Variants in BCAS1 observed in about 807,000 individuals in gnomAD.
The protein encoded by BCAS1 is breast carcinoma-amplified sequence 1.
Under a neutral mutation model 65.4 loss-of-function variants are expected in BCAS1, and 46 were observed. That is an observed-to-expected ratio of 0.70 (90% CI 0.55 to 0.90). The LOEUF is 0.90. Among genes scored for constraint, BCAS1 ranks in the 40% least tolerant of loss-of-function variants. The pLI is 0.00. For missense variants in BCAS1, 793 were observed against 771.2 expected (o/e 1.03, Z -0.33); for synonymous variants, 298 against 293.5 (o/e 1.02, Z -0.16).
intron 4 of BCAS1, among the ~76,000 whole-genome samples, chr20:54,018,401 C>CT (rs35997009): frequency 0.17 from 23,180 of 136,292 alleles, 2,082 homozygotes; most frequent in East Asian, 0.33. Context: ...TATCCACTTA[C>CT]TTTTTTTTTT....
intron 3 of BCAS1, among the ~76,000 whole-genome samples, chr20:54,050,729 C>A (rs939696177): frequency 6.6e-6 from 1 of 152,198 alleles, no homozygotes; most frequent in African/African-American, 2.4e-5. Context: ...CCTCCCCTTG[C>A]GTCCCTCCCC....
Position 53,953,563 on chromosome 20 carries a change from G to C in BCAS1, c.1684C>G (p.Gln562Glu). 6.2e-7 allele frequency: 1 copy of C among 1,613,876 alleles called. No individual in the cohort carries two copies. The stretch of plus-strand genomic sequence containing the variant: ...CACTGGGCTGGTTCTTTGGCTTCCT[G>C]CTTGTTGCTCTTCTGCTTGTTCATC... ...AEMNKQKSNK[Q>E]EAKEPAQCTE... The change falls in exon 12 of 13, where the codon CAG (glutamine) becomes GAG (glutamate). Residue 562 changes from glutamine (Q) to glutamate (E), a missense_variant. Coordinates refer to ENST00000688948, the MANE Select transcript of BCAS1 (RefSeq NM_001366298.2).
intron 9 of BCAS1, among the ~76,000 whole-genome samples, chr20:53,973,826 A>C (rs1310540607): frequency 6.6e-6 from 1 of 152,184 alleles, no homozygotes; most frequent in Non-Finnish European, 1.5e-5. Flanking sequence ...GGAGGAAGGA[A>C]GGAAGGGCAG....
intron 3 of BCAS1, among the ~76,000 whole-genome samples, chr20:54,054,078 G>A (rs114935617): frequency 8.8e-4 from 134 of 152,318 alleles, no homozygotes; most frequent in African/African-American, 3.1e-3. Context: ...AGCATATGCA[G>A]TGGAACTCCC....
At chr20:54,066,796 C>T (rs1417960332) in intron 1 of BCAS1, among the ~76,000 whole-genome samples, 1 of 152,206 alleles carries the variant, frequency 6.6e-6, no homozygotes, top group Non-Finnish European at 1.5e-5. Context: ...GCCACCTAGT[C>T]TGTGGTGTTT....
chr20:53,995,054 A>G lies in BCAS1; in HGVS notation c.885T>C (p.Val295=), dbSNP rs952671072. ...NSIMSFFKTL[V]SPNKAETKKD... The stretch of plus-strand genomic sequence containing the variant: ...TTTTTGTTTCAGCTTTGTTAGGTGA[A>G]ACCTTAAAAGTTTGAGAAAGCCAAA... The change falls in exon 6 of 13, where the codon GTT becomes GTC. Residue 295 remains valine, a splice_region_variant and synonymous_variant. Transcript: ENST00000688948. The G allele has an allele frequency of 2.5e-6, 4 of 1,613,130 alleles. No homozygotes were observed. In the Admixed American group the frequency reaches 6.7e-5, roughly 27 times the overall value.
chr20:54,006,106 G>A (rs770352925), intron 4 of BCAS1, among the ~76,000 whole-genome samples: 5 of 152,228 alleles, frequency 3.3e-5, no homozygotes, highest in Admixed American at 6.5e-5. Flanking sequence ...AGAAGCAGCA[G>A]AGGGTTCCAT....
chr20:53,977,654 G>A (rs527479629), intron 8 of BCAS1, among the ~76,000 whole-genome samples: 8 of 152,328 alleles, frequency 5.3e-5, no homozygotes, highest in African/African-American at 1.9e-4. Context: ...GTGAGGAATA[G>A]AAGGGGCTGC....
chr20:53,945,401 CTTCT>C (rs944854229), intron 12 of BCAS1, among the ~76,000 whole-genome samples: 21 of 125,046 alleles, frequency 1.7e-4, no homozygotes, highest in African/African-American at 5.4e-4. Flanking sequence ...GTTTTATTTT[CTTCT>C]TTTTTTTTTA....
chr20:53,971,129 A>G (rs779148128), intron 9 of BCAS1, among the ~76,000 whole-genome samples: 2 of 152,242 alleles, frequency 1.3e-5, no homozygotes, highest in Admixed American at 6.5e-5. Context: ...TTCTCCAATT[A>G]TTTACCCTAC....
chr20:54,062,246 A>T (rs2092384940), intron 1 of BCAS1, among the ~76,000 whole-genome samples: 1 of 152,240 alleles, frequency 6.6e-6, no homozygotes, highest in Non-Finnish European at 1.5e-5. Context: ...AAAAAATCAT[A>T]GAAATGATAG....
intron 3 of BCAS1, among the ~76,000 whole-genome samples, chr20:54,055,526 A>G (rs955197022): frequency 1.3e-5 from 2 of 151,934 alleles, no homozygotes; most frequent in African/African-American, 4.8e-5. Context: ...CATGATTAAA[A>G]TTATCTCCCA....
chr20:53,974,187 A>G (rs182984205), intron 9 of BCAS1, among the ~76,000 whole-genome samples: 145 of 152,280 alleles, frequency 9.5e-4, no homozygotes, highest in African/African-American at 3.4e-3. Flanking sequence ...GCGGGGTCAA[A>G]TAACGGAGTA....
At chr20:54,004,395 C>T (rs947547591) in intron 4 of BCAS1, among the ~76,000 whole-genome samples, 2 of 152,146 alleles carry the variant, frequency 1.3e-5, no homozygotes, top group African/African-American at 4.8e-5. Context: ...TTGATAGCAG[C>T]CTGAACTAAG....
At chr20:53,957,844 GCCTT>G (rs1343707714) in intron 10 of BCAS1, among the ~76,000 whole-genome samples, 1 of 151,690 alleles carries the variant, frequency 6.6e-6, no homozygotes, top group Non-Finnish European at 1.5e-5. Context: ...CCCATGAGTA[GCCTT>G]CCACTGGGAA....
chr20:53,946,520 T>TATATAC (rs879781278), intron 12 of BCAS1, among the ~76,000 whole-genome samples: 10 of 125,934 alleles, frequency 7.9e-5, no homozygotes, highest in South Asian at 4.6e-4. Flanking sequence ...TATATATATA[T>TATATAC]ACACACACAC....
intron 3 of BCAS1, among the ~76,000 whole-genome samples, chr20:54,050,192 A>G (rs1420274430): frequency 6.6e-6 from 1 of 151,742 alleles, no homozygotes; most frequent in Non-Finnish European, 1.5e-5. Flanking sequence ...TCCTACTCCA[A>G]CCCTTCTGCC....
intron 3 of BCAS1, among the ~76,000 whole-genome samples, chr20:54,030,921 A>G (rs1050621061): frequency 6.6e-6 from 1 of 151,552 alleles, no homozygotes; most frequent in African/African-American, 2.4e-5. Flanking sequence ...TAAGTAAGTG[A>G]TAGATGGATG....
chr20:53,985,015 C>G (rs1011856557), intron 8 of BCAS1, among the ~76,000 whole-genome samples: 3 of 152,118 alleles, frequency 2.0e-5, no homozygotes, highest in African/African-American at 4.8e-5. Flanking sequence ...ATACCACAAC[C>G]CTCTGTCATG....
Sources: allele counts gnomAD v4.1 joint callset (sites outside exome capture counted in the v4.1 genomes callset), GRCh38; gene constraint gnomAD v4.1.1; transcripts MANE v1.5; gene names NCBI Gene and HGNC (gene_info 2026-07-23, HGNC 2026-07-21).